The following CCNT2 variants were observed in gnomAD, a reference collection of about 807,000 sequenced individuals.
The protein encoded by CCNT2 is cyclin-T2.
Under a neutral mutation model 70.0 loss-of-function variants are expected in CCNT2, and 18 were observed. The ratio of observed to expected loss-of-function variants is 0.26; its 90% CI spans 0.18 to 0.38. The LOEUF (loss-of-function observed/expected upper bound fraction) is 0.38. Among genes scored for constraint, CCNT2 ranks in the 10% least tolerant of loss-of-function variants. CCNT2 has a pLI of 1.00. For missense variants in CCNT2, 734 were observed against 890.2 expected (o/e 0.82, Z 2.23); for synonymous variants, 334 against 313.3 (o/e 1.07, Z -0.70).
intron 7 of CCNT2, among the ~76,000 whole-genome samples, chr2:134,949,802 CGGG>C (rs150690024): frequency 2.0e-5 from 1 of 48,900 alleles, no homozygotes; most frequent in South Asian, 8.1e-4. Context: ...ATTTTTTTTT[CGGG>C]GGGGGGGTGG....
At chr2:134,924,826 C>T (rs1680164605) in intron 2 of CCNT2, among the ~76,000 whole-genome samples, 1 of 152,174 alleles carries the variant, frequency 6.6e-6, no homozygotes, top group South Asian at 2.1e-4. Context: ...AGACCTTGCT[C>T]ATTATTAAAA....
At chr2:134,937,676 G>A (rs1285599051) in intron 3 of CCNT2, among the ~76,000 whole-genome samples, 3 of 152,166 alleles carry the variant, frequency 2.0e-5, no homozygotes, top group Admixed American at 2.0e-4. Context: ...AGCACTTTGG[G>A]AGGCCGAGGC....
At chr2:134,951,987 C>A (rs1227524612) in intron 7 of CCNT2, among the ~76,000 whole-genome samples, 1 of 152,116 alleles carries the variant, frequency 6.6e-6, no homozygotes, top group Non-Finnish European at 1.5e-5. Context: ...TCATTTTATA[C>A]AGTGTTCCTT....
At chr2:134,942,036 T>G (rs571533714) in intron 4 of CCNT2, among the ~76,000 whole-genome samples, 3 of 152,230 alleles carry the variant, frequency 2.0e-5, no homozygotes, top group Non-Finnish European at 4.4e-5. Context: ...GTTGATAGCT[T>G]TTAAACATTT....
At chr2:134,943,283 C>G (rs745639331) in intron 5 of CCNT2, 9 of 377,206 alleles carry the variant, frequency 2.4e-5, no homozygotes, top group Non-Finnish European at 2.9e-5. Flanking sequence ...CGCATGTAGT[C>G]TCAACTATTC....
Position 134,954,246 on chromosome 2 carries a change from T to C in CCNT2, c.1791T>C (p.Thr597=). The C allele has an allele frequency of 6.2e-7, 1 of 1,614,154 alleles. No homozygotes were observed. The highest frequency in any genetic ancestry group is 8.5e-7 in the Non-Finnish European group (1 of 1,180,028). ...ACAGTGCCGACGGAATACCACCCAC[T>C]GTTCTGAGGAGTCCTGTTGGCCTGA... ...SKHSADGIPP[T]VLRSPVGLSS... The change falls in exon 9 of 9, where the codon ACT becomes ACC. Residue 597 remains threonine (T), a synonymous_variant. Transcript: ENST00000264157.
Position 134,958,988 on chromosome 2 carries a change from A to G in CCNT2, c.*4340A>G, listed in dbSNP as rs892943821. ...TTGAGGGCTGTCTACTTTATTTTCA[A>G]GTTTGGGGCGGAAACTCAAAATCCC... On this transcript the variant is annotated 3_prime_UTR_variant, in exon 9 of 9. Transcript: ENST00000264157. The G allele has an allele frequency of 1.3e-5, 2 of 152,136 alleles. No individual in the cohort carries two copies. Among genetic ancestry groups the G allele is most frequent in the African/African-American group, 4.8e-5 (2 of 41,448 alleles). 9.4% of individuals were successfully genotyped at this position (152,136 alleles called of 1,614,324 possible). A position where few individuals can be genotyped will look rare whatever the true frequency, so the allele number is the denominator to read the frequency against.
chr2:134,946,298 G>T (rs1289183364), intron 6 of CCNT2, 152 bp downstream of exon 6: 3 of 1,212,818 alleles, frequency 2.5e-6, no homozygotes, highest in Non-Finnish European at 3.4e-6. Context: ...GCGGTGTATT[G>T]TACAAGGGAC....
chr2:134,950,032 G>C (rs894755155), intron 7 of CCNT2, among the ~76,000 whole-genome samples: 1 of 152,156 alleles, frequency 6.6e-6, no homozygotes, highest in Admixed American at 6.5e-5. Flanking sequence ...CTGACCTCAT[G>C]ATCCACCCAC....
At chr2:134,929,747 T>G (rs1300196148) in intron 2 of CCNT2, among the ~76,000 whole-genome samples, 1 of 150,824 alleles carries the variant, frequency 6.6e-6, no homozygotes, top group East Asian at 2.0e-4. Context: ...CCTCCTGGGT[T>G]CAAGTGATTC....
At position 134,939,028 on chromosome 2, in the gene CCNT2, G is replaced by A. The variant is rs769601785; in HGVS notation, c.396G>A (p.Leu132=). The A allele has an allele frequency of 2.2e-5, 36 of 1,610,328 alleles. No homozygotes were observed. The highest frequency in any genetic ancestry group is 3.3e-4 in the Middle Eastern group (2 of 6,070). ...CTTACCTTCAACAGACTCAAGAACT[G>A]GTTATACTTGAAACCATAATGCTAC... ...CDAYLQQTQE[L]VILETIMLQT... is the part of the protein sequence containing the mutation. The change falls in exon 4 of 9, where the codon CTG becomes CTA. Residue 132 remains leucine, a synonymous_variant. Transcript: ENST00000264157.
Position 134,954,890 on chromosome 2 carries a change from CA to C in CCNT2, c.*244del. 1 of 412,650 alleles carries C rather than the reference CA, an allele frequency of 2.4e-6. No homozygotes were observed. Among genetic ancestry groups the C allele is most frequent in the Middle Eastern group, 6.4e-4 (1 of 1,558 alleles). 25.6% of individuals were successfully genotyped at this position (412,650 alleles called of 1,614,324 possible). A position where few individuals can be genotyped will look rare whatever the true frequency, so the allele number is the denominator to read the frequency against. On this transcript the variant is annotated 3_prime_UTR_variant, in exon 9 of 9. Coordinates refer to ENST00000264157, the MANE Select transcript of CCNT2 (RefSeq NM_058241.3). ...GAAGGTGCAAAACTCAGTATTTCTA[CA>C]ATTGCAGCTAAGAACATTAGGATGA...
At position 134,956,378 on chromosome 2, in the gene CCNT2, C is replaced by T. The variant is rs1682925060; in HGVS notation, c.*1730C>T. 1 of 152,464 alleles carries T rather than the reference C, an allele frequency of 6.6e-6. No individual in the cohort carries two copies. Among genetic ancestry groups the T allele is most frequent in the African/African-American group, 2.4e-5 (1 of 41,386 alleles). The allele number at this position is 152,464 out of a possible 1,614,324, so 9.4% of individuals were successfully genotyped here. On this transcript the variant is annotated 3_prime_UTR_variant, in exon 9 of 9. Coordinates refer to ENST00000264157, the MANE Select transcript of CCNT2 (RefSeq NM_058241.3). ...AGGAGCCTCTTTGTAGGGACTGTGC[C>T]TAGGTAGCATGTCCTAACATTTGTT...
chr2:134,957,200 T>A lies in CCNT2; in HGVS notation c.*2552T>A, dbSNP rs1682979268. The A allele has an allele frequency of 6.6e-6, 1 of 152,220 alleles. No individual in the cohort carries two copies. The highest frequency in any genetic ancestry group is 1.5e-5 in the Non-Finnish European group (1 of 68,032). The allele number at this position is 152,220 out of a possible 1,614,324, so 9.4% of individuals were successfully genotyped here. On this transcript the variant is annotated 3_prime_UTR_variant, in exon 9 of 9. Transcript: ENST00000264157. ...TCATTTGCATAACAGTTCATCTGTCTGGTCCCATTAGGCTCTACCAAAGAA... is the reference window on the plus strand; with the variant it reads ...TCATTTGCATAACAGTTCATCTGTCAGGTCCCATTAGGCTCTACCAAAGAA...
At chr2:134,939,329 G>T (rs1421940021) in intron 4 of CCNT2, among the ~76,000 whole-genome samples, 1 of 152,074 alleles carries the variant, frequency 6.6e-6, no homozygotes, top group Admixed American at 6.5e-5. Context: ...CTCTGGATTT[G>T]CACTGGAGAG....
chr2:134,942,945 T>C (rs987454361), intron 5 of CCNT2: 4 of 985,226 alleles, frequency 4.1e-6, no homozygotes, highest in Non-Finnish European at 4.8e-6. Context: ...CCATCCCCCA[T>C]TGAGCTTTGC....
chr2:134,919,765 T>A, intron 1 of CCNT2, 45 bp from the exon 2 acceptor site: 2 of 1,426,444 alleles, frequency 1.4e-6, no homozygotes, highest in Non-Finnish European at 2.0e-6. Context: ...GTTCTGGGAA[T>A]GAGATCTTGC....
intron 5 of CCNT2, chr2:134,944,810 C>G (rs546665855): frequency 1.0e-6 from 1 of 985,346 alleles, no homozygotes; most frequent in East Asian, 1.1e-4. Flanking sequence ...CCTCTATTCT[C>G]TGTTGCACAG....
At chr2:134,947,939 A>G (rs1024167548) in intron 7 of CCNT2, 40 bp downstream of exon 7, 26 of 1,223,588 alleles carry the variant, frequency 2.1e-5, no homozygotes, top group Non-Finnish European at 2.9e-5. Context: ...GGAATTATCT[A>G]AGTTGGCAGT....
Sources: gnomAD v4.1 joint callset for allele counts (sites outside exome capture counted in the v4.1 genomes callset) on GRCh38, gnomAD v4.1.1 for gene constraint, MANE v1.5 for transcripts, NCBI Gene and HGNC (gene_info 2026-07-23, HGNC 2026-07-21) for gene names.